Variants in PCDHA8 observed in about 807,000 individuals in gnomAD.
The protein encoded by PCDHA8 is protocadherin alpha-8.
In PCDHA8, 53 loss-of-function variants were observed where a neutral mutation model predicts 61.8. The ratio of observed to expected loss-of-function variants is 0.86; its 90% CI spans 0.69 to 1.08. The LOEUF is 1.08. Among genes scored for constraint, PCDHA8 ranks in the 50% least tolerant of loss-of-function variants. PCDHA8 has a pLI of 0.00. For missense variants in PCDHA8, 1,293 were observed against 1,245.0 expected, an observed-to-expected ratio of 1.04 and a Z score of -0.58; for synonymous variants, 618 against 556.6, an observed-to-expected ratio of 1.11 and a Z score of -1.55.
intron 1 of PCDHA8, chr5:140,859,239 A>G (rs1025873150): frequency 1.3e-5 from 2 of 152,746 alleles, no homozygotes; most frequent in Admixed American, 1.3e-4. Flanking sequence ...AGTCATGCTT[A>G]TGTTTAATAA....
chr5:140,924,915 AT>A (rs1554202358), intron 1 of PCDHA8, among the ~76,000 whole-genome samples: 19 of 127,348 alleles, frequency 1.5e-4, no homozygotes, highest in African/African-American at 5.1e-4. Context: ...ATAAAATAAA[AT>A]AAAATAAAAT....
intron 1 of PCDHA8, chr5:140,870,979 T>C: frequency 6.2e-7 from 1 of 1,613,556 alleles, no homozygotes; most frequent in Non-Finnish European, 8.5e-7. Flanking sequence ...CGTGGGGCTG[T>C]ACACGGGCGA....
In PCDHA8 at chr5:140,842,313, C is replaced by G; in HGVS notation, c.992C>G (p.Ala331Gly). 2 of 1,607,028 alleles carry G rather than the reference C, an allele frequency of 1.2e-6. No homozygotes were observed. Among genetic ancestry groups the G allele is most frequent in the Non-Finnish European group, 1.7e-6 (2 of 1,173,850 alleles). ...DATDKGHPPM[A>G]GHCTVLVRIL... ...ACGGACAAAGGCCATCCTCCCATGG[C>G]GGGTCATTGCACCGTTTTAGTGAGA... The change falls in exon 1 of 4, where the codon GCG becomes GGG. Residue 331 changes from alanine to glycine, a missense_variant. Physicochemically the swap from Ala to Gly is moderately conservative, Grantham distance 60 (BLOSUM62 0). Transcript: ENST00000531613.
Position 140,842,555 on chromosome 5 carries a change from G to C in PCDHA8, c.1234G>C (p.Ala412Pro). 2 of 1,465,934 alleles carry C rather than the reference G, an allele frequency of 1.4e-6. No individual in the cohort carries two copies. Among genetic ancestry groups the C allele is most frequent in the Non-Finnish European group, 1.9e-6 (2 of 1,075,876 alleles). The allele number at this position is 1,465,934 out of a possible 1,614,324, so 90.8% of individuals were successfully genotyped here. Reference protein sequence around the residue: ...KNYYSLVLDSALDRERVSAYE... With the variant: ...KNYYSLVLDSPLDRERVSAYE... ...TTACTACTCGTTGGTGCTGGACAGC[G>C]CCCTGGACCGCGAGAGAGTGTCGGC... is the stretch of plus-strand genomic sequence containing the variant. The change falls in exon 1 of 4, where the codon GCC (alanine) becomes CCC (proline). Residue 412 changes from alanine to proline, a missense_variant. Coordinates refer to ENST00000531613, the MANE Select transcript of PCDHA8 (RefSeq NM_018911.3).
At chr5:140,941,202 C>CCTTCCTTTCTTT (rs1554213920) in intron 1 of PCDHA8, among the ~76,000 whole-genome samples, 197 of 122,808 alleles carry the variant, frequency 1.6e-3, no homozygotes, top group Admixed American at 2.9e-3. Flanking sequence ...TTTCTTTCTT[C>CCTTCCTTTCTTT]CTTTCTTTCT....
At chr5:140,870,771 C>G (rs370490786) in intron 1 of PCDHA8, 13 of 1,613,466 alleles carry the variant, frequency 8.1e-6, no homozygotes, top group Non-Finnish European at 1.1e-5. Context: ...TCGTGCTGGA[C>G]GAGAACGACA....
intron 1 of PCDHA8, among the ~76,000 whole-genome samples, chr5:140,878,675 G>C (rs1582445027): frequency 6.6e-6 from 1 of 152,048 alleles, no homozygotes; most frequent in East Asian, 1.9e-4. Flanking sequence ...TTTAACCAGG[G>C]AATAAAGTCT....
At chr5:140,998,585 A>C (rs1227951754) in intron 3 of PCDHA8, among the ~76,000 whole-genome samples, 1 of 148,644 alleles carries the variant, frequency 6.7e-6, no homozygotes, top group Non-Finnish European at 1.5e-5. Context: ...TTTTTTTGAG[A>C]CAGAGTTTTG....
Position 140,843,396 on chromosome 5 carries a change from C to T in PCDHA8, c.2075C>T (p.Ala692Val), listed in dbSNP as rs2150359152. The change falls in exon 1 of 4, where the codon GCG becomes GTG. Residue 692 changes from alanine to valine, a missense_variant. Physicochemically the swap from Ala to Val is moderately conservative, Grantham distance 64. Transcript: ENST00000531613. ...GCTGGCGTTTTGGGTCCGGAAGCGG[C>T]GCTGGTGGATGTCAACGTGTACCTG... ...QSAGVLGPEA[A>V]LVDVNVYLII... 6.3e-7 allele frequency: 1 copy of T among 1,596,034 alleles called. No individual in the cohort carries two copies. Among genetic ancestry groups the T allele is most frequent in the Non-Finnish European group, 8.6e-7 (1 of 1,165,586 alleles).
At chr5:140,850,316 T>G in intron 1 of PCDHA8, 1 of 1,597,142 alleles carries the variant, frequency 6.3e-7, no homozygotes, top group Non-Finnish European at 8.6e-7. Context: ...ACGCGTGGCT[T>G]TCATACGAGC....
intron 1 of PCDHA8, among the ~76,000 whole-genome samples, chr5:140,926,161 A>C (rs1205520517): frequency 6.6e-6 from 1 of 151,712 alleles, no homozygotes. Flanking sequence ...GCTCTGCAGC[A>C]GGATCCAGCG....
chr5:140,877,070 T>A (rs2056830444), intron 1 of PCDHA8: 4 of 1,613,050 alleles, frequency 2.5e-6, no homozygotes, highest in Non-Finnish European at 3.4e-6. Flanking sequence ...CTGCTGCAGT[T>A]CCAGGTGAGC....
chr5:140,855,277 C>T (rs1581364290), intron 1 of PCDHA8, among the ~76,000 whole-genome samples: 2 of 149,744 alleles, frequency 1.3e-5, no homozygotes, highest in Middle Eastern at 3.4e-3. Context: ...ACTCAACCAC[C>T]GTATTACTAT....
rs782564746 is a variant in PCDHA8 at position 140,871,379 on chromosome 5, C to T, written c.2394+27664C>T. 2.2e-5 allele frequency: 36 copies of T among 1,614,072 alleles called. No homozygotes were observed. Among genetic ancestry groups the T allele is most frequent in the Non-Finnish European group, 2.8e-5 (33 of 1,180,034 alleles). On this transcript the variant is annotated intron_variant, in intron 1 of 3. Transcript: ENST00000531613. ...CAGCAGAGGCGGCAGAGGGTGTGCT[C>T]TGAGGAGGGCCCACCTAAGACGGAC...
chr5:141,006,689 G>A (rs1249412460), intron 3 of PCDHA8, among the ~76,000 whole-genome samples: 2 of 152,072 alleles, frequency 1.3e-5, no homozygotes, highest in Non-Finnish European at 2.9e-5. Context: ...TGGGAGAAGA[G>A]GACAGAGTCA....
rs2150328350 is a variant in PCDHA8, at chr5:140,842,056, T to G, written c.735T>G (p.Ser245=). Residue 245 remains serine (S), a synonymous_variant, in exon 1 of 4, where the codon TCT becomes TCG. Transcript: ENST00000531613. ...ATAATGCTCCCACTTTCGAACAGTCTGAATACGAAGTAAGAATATTCGAAA... is the reference window on the plus strand; with the variant it reads ...ATAATGCTCCCACTTTCGAACAGTCGGAATACGAAGTAAGAATATTCGAAA... ...VNDNAPTFEQ[S]EYEVRIFENA... The G allele has an allele frequency of 3.7e-5, 59 of 1,613,726 alleles. 1 individual carries two copies. Among genetic ancestry groups the G allele is most frequent in the Non-Finnish European group, 4.6e-5 (54 of 1,179,870 alleles).
At chr5:140,996,077 G>A in intron 3 of PCDHA8, among the ~76,000 whole-genome samples, 1 of 152,218 alleles carries the variant, frequency 6.6e-6, no homozygotes, top group East Asian at 1.9e-4. Flanking sequence ...GATTCAAGAT[G>A]TTTTTGCTAG....
At chr5:140,905,944 A>G (rs2072219566) in intron 1 of PCDHA8, among the ~76,000 whole-genome samples, 3 of 152,216 alleles carry the variant, frequency 2.0e-5, no homozygotes, top group Non-Finnish European at 4.4e-5. Flanking sequence ...AGAACTTGGA[A>G]TCCGATGTTC....
chr5:140,870,987 C>T (rs782771467), intron 1 of PCDHA8: 51 of 1,613,334 alleles, frequency 3.2e-5, no homozygotes, highest in Non-Finnish European at 4.1e-5. Context: ...TGTACACGGG[C>T]GAGATAAGCA....
Sources: allele counts gnomAD v4.1 joint callset (sites outside exome capture counted in the v4.1 genomes callset), GRCh38; gene constraint gnomAD v4.1.1; transcripts MANE v1.5; gene names NCBI Gene and HGNC (gene_info 2026-07-23, HGNC 2026-07-21).